The following CRLF3 variants were observed in gnomAD, a reference collection of about 807,000 sequenced individuals.
CRLF3 encodes cytokine receptor like factor 3.
CRLF3 carries 33 observed loss-of-function variants against 55.0 expected under a neutral mutation model. That is an observed-to-expected ratio of 0.60 (90% CI 0.46 to 0.80). The LOEUF (loss-of-function observed/expected upper bound fraction) is 0.80. CRLF3 is among the 30% of genes least tolerant of loss of function. The pLI, the probability that CRLF3 is intolerant of heterozygous loss-of-function variation, is 0.00. For synonymous variants in CRLF3, 238 were observed against 196.8 expected (o/e 1.21, Z -1.75); for missense variants, 494 against 538.4 (o/e 0.92, Z 0.82).
At chr17:30,794,607 A>G (rs1971877202) in intron 4 of CRLF3, among the ~76,000 whole-genome samples, 1 of 151,952 alleles carries the variant, frequency 6.6e-6, no homozygotes, top group Admixed American at 6.6e-5. Flanking sequence ...AGGCCAGCCT[A>G]GGCAACACAG....
At chr17:30,786,623 CT>C (rs1164837602) in intron 6 of CRLF3, 3 of 152,244 alleles carry the variant, frequency 2.0e-5, no homozygotes, top group Non-Finnish European at 4.4e-5. Context: ...GCTAAATAAC[CT>C]GATCCCGACT....
At chr17:30,804,707 T>C (rs764078264) in intron 1 of CRLF3, among the ~76,000 whole-genome samples, 4 of 152,166 alleles carry the variant, frequency 2.6e-5, no homozygotes, top group African/African-American at 4.8e-5. Context: ...ATATACATCT[T>C]CCATTCATTG....
intron 6 of CRLF3, among the ~76,000 whole-genome samples, chr17:30,788,768 C>T (rs1471299782): frequency 2.6e-5 from 4 of 151,580 alleles, no homozygotes; most frequent in African/African-American, 4.8e-5. Context: ...CCACCACGCC[C>T]GGCTAATTTT....
chr17:30,816,823 T>C (rs1904821040), intron 1 of CRLF3, among the ~76,000 whole-genome samples: 2 of 152,144 alleles, frequency 1.3e-5, no homozygotes, highest in Admixed American at 6.6e-5. Flanking sequence ...CTTACAGTTA[T>C]GTTACAACTA....
chr17:30,820,146 T>C (rs7214570), intron 1 of CRLF3, among the ~76,000 whole-genome samples: 19,310 of 152,218 alleles, frequency 0.13, 1,281 homozygotes, highest in South Asian at 0.25. Context: ...CTTTCTAGCC[T>C]TTAACTTATT....
At chr17:30,813,298 G>A (rs1904680877) in intron 1 of CRLF3, among the ~76,000 whole-genome samples, 1 of 152,130 alleles carries the variant, frequency 6.6e-6, no homozygotes, top group Non-Finnish European at 1.5e-5. Context: ...CCTAGTATGT[G>A]TCAGAAATTA....
chr17:30,823,695 G>A lies in CRLF3; in HGVS notation c.129+828C>T, dbSNP rs561547601. ...TATATCTTTTTCTATATATATTCGA[G>A]GGTATAGAGAAACCATATGGCTTTC... On this transcript the variant is annotated intron_variant, in intron 1 of 7. Coordinates refer to ENST00000324238, the MANE Select transcript of CRLF3 (RefSeq NM_015986.4). Among the ~76,000 whole-genome samples, 7 of 152,054 alleles carry A rather than the reference G, an allele frequency of 4.6e-5. No individual in the cohort carries two copies. In the South Asian group the frequency reaches 1.2e-3, roughly 27 times the overall value.
Position 30,793,510 on chromosome 17 carries a change from G to A in CRLF3, c.766C>T (p.Arg256Ter), listed in dbSNP as rs768156707. The change falls in exon 5 of 8, where the codon CGA becomes TGA. Residue 256 changes from arginine to a stop codon, truncating the protein, a stop_gained. Coordinates refer to ENST00000324238, the MANE Select transcript of CRLF3 (RefSeq NM_015986.4). LOFTEE classifies it high-confidence loss of function. ...QFRVCARGDG[R>*]QEWSPWSVPQ... ...ACACTCCAAGGACTCCACTCCTGTCGGCCATCTCCTCGGGCGCAGACTCTG... is the reference window on the plus strand; with the variant it reads ...ACACTCCAAGGACTCCACTCCTGTCAGCCATCTCCTCGGGCGCAGACTCTG... 4 of 1,614,068 alleles carry A rather than the reference G, an allele frequency of 2.5e-6. No homozygotes were observed. The highest frequency in any genetic ancestry group is 2.2e-5 in the East Asian group (1 of 44,876).
At chr17:30,820,904 A>G (rs1904975484) in intron 1 of CRLF3, among the ~76,000 whole-genome samples, 1 of 151,680 alleles carries the variant, frequency 6.6e-6, no homozygotes, top group Admixed American at 6.6e-5. Flanking sequence ...AATTAAACAA[A>G]ATTAGGCAGG....
chr17:30,792,317 C>G, intron 6 of CRLF3, 123 bp downstream of exon 6: 2 of 850,372 alleles, frequency 2.4e-6, no homozygotes, highest in Non-Finnish European at 3.6e-6. Context: ...GAAGCCTTCC[C>G]ACAGTAACAC....
intron 4 of CRLF3, among the ~76,000 whole-genome samples, chr17:30,794,477 A>G (rs1971874149): frequency 6.6e-6 from 1 of 152,172 alleles, no homozygotes; most frequent in African/African-American, 2.4e-5. Flanking sequence ...ATTTGTACCT[A>G]ATTTGTAATA....
At chr17:30,816,228 G>A (rs1047778852) in intron 1 of CRLF3, among the ~76,000 whole-genome samples, 2 of 150,388 alleles carry the variant, frequency 1.3e-5, no homozygotes, top group Non-Finnish European at 3.0e-5. Context: ...GTTGCAGTGA[G>A]CCGAGATCGC....
chr17:30,785,207 C>T (rs1971612668), intron 7 of CRLF3: 1 of 149,628 alleles, frequency 6.7e-6, no homozygotes, highest in Non-Finnish European at 1.5e-5. Context: ...TCCCAAGTAG[C>T]TAGGATTACA....
At chr17:30,799,133 C>T (rs1971966271) in intron 2 of CRLF3, among the ~76,000 whole-genome samples, 2 of 151,890 alleles carry the variant, frequency 1.3e-5, no homozygotes, top group African/African-American at 4.8e-5. Context: ...ATTTGCTGGG[C>T]GTGGTGGCGG....
rs549054794 is a variant in CRLF3 at position 30,784,067 on chromosome 17, A to T, written c.*120T>A. 30 of 845,652 alleles carry T rather than the reference A, an allele frequency of 3.5e-5. No homozygotes were observed. Among genetic ancestry groups the T allele is most frequent in the Non-Finnish European group, 5.3e-5 (29 of 542,674 alleles). 52.4% of individuals were successfully genotyped at this position (845,652 alleles called of 1,614,324 possible). ...AAATATTACAAAATGAATCCAGTAA[A>T]CACTTTCCAATGGCCTAAGTTAGAG... On this transcript the variant is annotated 3_prime_UTR_variant, in exon 8 of 8. Coordinates refer to ENST00000324238, the MANE Select transcript of CRLF3 (RefSeq NM_015986.4).
intron 1 of CRLF3, among the ~76,000 whole-genome samples, chr17:30,820,532 G>T (rs1295513413): frequency 6.6e-6 from 1 of 152,010 alleles, no homozygotes; most frequent in East Asian, 1.9e-4. Context: ...CAGGCACGGT[G>T]GTAATCCCAG....
chr17:30,805,986 G>GC (rs998961372), intron 1 of CRLF3, among the ~76,000 whole-genome samples: 9 of 152,104 alleles, frequency 5.9e-5, no homozygotes, highest in Non-Finnish European at 1.0e-4. Context: ...CTGCACCACT[G>GC]CACTCTAGCT....
At chr17:30,819,938 A>G (rs1228269929) in intron 1 of CRLF3, among the ~76,000 whole-genome samples, 2 of 152,214 alleles carry the variant, frequency 1.3e-5, no homozygotes, top group Non-Finnish European at 2.9e-5. Context: ...TCTCAGCCCT[A>G]CAGTAGGCAC....
At chr17:30,790,599 T>G (rs1006932778) in intron 6 of CRLF3, 6 of 140,912 alleles carry the variant, frequency 4.3e-5, no homozygotes, top group Non-Finnish European at 7.6e-5. Flanking sequence ...GCCAGTAAAT[T>G]TTTTTGCTTT....
Sources: gnomAD v4.1 joint callset for allele counts (sites outside exome capture counted in the v4.1 genomes callset) on GRCh38, gnomAD v4.1.1 for gene constraint, MANE v1.5 for transcripts, NCBI Gene and HGNC (gene_info 2026-07-23, HGNC 2026-07-21) for gene names.